RANBP3: variants seen among roughly 807,000 people sequenced by gnomAD.
RANBP3 encodes ran-binding protein 3.
In RANBP3, 14 loss-of-function variants were observed where a neutral mutation model predicts 77.3. That is an observed-to-expected ratio of 0.18 (90% CI 0.12 to 0.28). The LOEUF (loss-of-function observed/expected upper bound fraction) is 0.28. RANBP3 is among the 10% of genes least tolerant of loss of function. The pLI, the probability that RANBP3 is intolerant of heterozygous loss-of-function variation, is 1.00. For synonymous variants in RANBP3, 315 were observed against 312.4 expected (o/e 1.01, Z -0.09); for missense variants, 586 against 752.3 (o/e 0.78, Z 2.59).
chr19:5,937,331 T>C (rs1024456456), intron 5 of RANBP3, among the ~76,000 whole-genome samples: 2 of 152,130 alleles, frequency 1.3e-5, no homozygotes, highest in East Asian at 3.9e-4. Context: ...TGTGCATGGC[T>C]TCTGTGACAT....
At chr19:5,967,195 C>T (rs143974493) in intron 1 of RANBP3, among the ~76,000 whole-genome samples, 3 of 152,312 alleles carry the variant, frequency 2.0e-5, no homozygotes, top group East Asian at 3.9e-4. Flanking sequence ...TAGTGGAAGG[C>T]GGTGGGACCC....
At position 5,960,829 on chromosome 19, in the gene RANBP3, C is replaced by T. The variant is rs536701064; in HGVS notation, c.23-2856G>A. Among the ~76,000 whole-genome samples, 18 of 152,270 alleles carry T rather than the reference C, an allele frequency of 1.2e-4. No individual in the cohort carries two copies. In the South Asian group the frequency reaches 2.7e-3, roughly 23 times the overall value. The stretch of plus-strand genomic sequence containing the variant: ...TGCTGCCCGGAGCCTTCTGGACACA[C>T]GGCAGGGCTGAGGGGCATGGGCCAG... On this transcript the variant is annotated intron_variant, in intron 1 of 16. Transcript: ENST00000340578.
chr19:5,920,090 T>C (rs1268037678), intron 14 of RANBP3, among the ~76,000 whole-genome samples: 1 of 151,998 alleles, frequency 6.6e-6, no homozygotes. Context: ...GACACTTTGA[T>C]TTGGGAAGAT....
chr19:5,919,289 C>G (rs980652014), intron 14 of RANBP3, among the ~76,000 whole-genome samples: 2 of 152,230 alleles, frequency 1.3e-5, no homozygotes, highest in Non-Finnish European at 2.9e-5. Flanking sequence ...GGGCCCACCC[C>G]GTGGACTCAG....
At chr19:5,930,086 C>T (rs537489606) in intron 8 of RANBP3, among the ~76,000 whole-genome samples, 4 of 152,256 alleles carry the variant, frequency 2.6e-5, no homozygotes, top group Non-Finnish European at 5.9e-5. Context: ...AGCCTGTGCA[C>T]TCACCATCGG....
intron 5 of RANBP3, among the ~76,000 whole-genome samples, chr19:5,939,569 AT>A (rs1176523074): frequency 6.6e-6 from 1 of 152,120 alleles, no homozygotes; most frequent in Non-Finnish European, 1.5e-5. Flanking sequence ...GCATAAAAAC[AT>A]TGTTTTTTGA....
chr19:5,945,727 T>C (rs2058195592), intron 3 of RANBP3, among the ~76,000 whole-genome samples: 1 of 152,160 alleles, frequency 6.6e-6, no homozygotes, highest in South Asian at 2.1e-4. Flanking sequence ...CTTTTGACGA[T>C]ACCCATGCCT....
intron 3 of RANBP3, among the ~76,000 whole-genome samples, chr19:5,947,669 G>C (rs2058223741): frequency 6.6e-6 from 1 of 152,258 alleles, no homozygotes; most frequent in African/African-American, 2.4e-5. Context: ...AGATGAAGCA[G>C]CCCTCCCGCG....
chr19:5,928,373 C>T (rs1599730931), intron 8 of RANBP3: 1 of 258,630 alleles, frequency 3.9e-6, no homozygotes, highest in Non-Finnish European at 7.3e-6. Flanking sequence ...CGGCAGAGGA[C>T]AGGAAATAAC....
At chr19:5,969,456 A>T (rs1202402540) in intron 1 of RANBP3, among the ~76,000 whole-genome samples, 1 of 152,236 alleles carries the variant, frequency 6.6e-6, no homozygotes, top group Non-Finnish European at 1.5e-5. Flanking sequence ...GGCATTTTAA[A>T]CTTACTGCAA....
At chr19:5,950,652 G>A (rs1379318207) in intron 3 of RANBP3, 2 of 152,152 alleles carry the variant, frequency 1.3e-5, no homozygotes, top group Non-Finnish European at 2.9e-5. Flanking sequence ...CTGAGAATAG[G>A]GGTCTTCTGT....
At chr19:5,932,799 G>A (rs1000333493) in intron 6 of RANBP3, 12 of 493,758 alleles carry the variant, frequency 2.4e-5, no homozygotes, top group African/African-American at 4.0e-5. Flanking sequence ...GTAACGTGGC[G>A]GGGCGCCGGC....
At chr19:5,941,157 CGTGT>C (rs919887713) in intron 5 of RANBP3, among the ~76,000 whole-genome samples, 6 of 152,154 alleles carry the variant, frequency 3.9e-5, no homozygotes, top group African/African-American at 1.4e-4. Context: ...TGCTGGTTAC[CGTGT>C]GTGTGTGCAT....
intron 3 of RANBP3, among the ~76,000 whole-genome samples, chr19:5,946,263 G>A (rs1182596503): frequency 2.0e-5 from 3 of 152,132 alleles, no homozygotes; most frequent in East Asian, 1.9e-4. Flanking sequence ...CGCGACACCC[G>A]GGACACCTGC....
chr19:5,919,882 C>CA (rs1568443995), intron 14 of RANBP3, among the ~76,000 whole-genome samples: 5 of 129,198 alleles, frequency 3.9e-5, no homozygotes. Context: ...GACTGGGCAA[C>CA]AAGGGCAAAA....
chr19:5,975,051 G>C (rs535115842), intron 1 of RANBP3, among the ~76,000 whole-genome samples: 1 of 152,328 alleles, frequency 6.6e-6, no homozygotes, highest in East Asian at 1.9e-4. Flanking sequence ...GAACAAACAC[G>C]TGACCATGGG....
intron 2 of RANBP3, among the ~76,000 whole-genome samples, chr19:5,956,674 C>A (rs2058338332): frequency 6.6e-6 from 1 of 152,120 alleles, no homozygotes; most frequent in Non-Finnish European, 1.5e-5. Flanking sequence ...CCAACCCCTA[C>A]AAACACACAC....
At position 5,976,166 on chromosome 19, in the gene RANBP3, G is replaced by C. The variant is rs575903683; in HGVS notation, c.22+1895C>G. On this transcript the variant is annotated intron_variant, in intron 1 of 16. Coordinates refer to ENST00000340578, the MANE Select transcript of RANBP3 (RefSeq NM_007322.3). ...TGGGGCCAGAAGAATTCAAAGAATGGACCTGCCTAACTAACTACAATGGGT... is the reference window on the plus strand; with the variant it reads ...TGGGGCCAGAAGAATTCAAAGAATGCACCTGCCTAACTAACTACAATGGGT... Among the ~76,000 whole-genome samples, 10 of 152,310 alleles carry C rather than the reference G, an allele frequency of 6.6e-5. No homozygotes were observed. In the South Asian group the frequency reaches 1.9e-3, roughly 28 times the overall value.
chr19:5,963,941 C>G (rs2058433697), intron 1 of RANBP3, among the ~76,000 whole-genome samples: 1 of 152,198 alleles, frequency 6.6e-6, no homozygotes, highest in Admixed American at 6.5e-5. Flanking sequence ...CAATTGTGAT[C>G]CTGTGATGAT....
Sources: gnomAD v4.1 joint callset for allele counts (sites outside exome capture counted in the v4.1 genomes callset) on GRCh38, gnomAD v4.1.1 for gene constraint, MANE v1.5 for transcripts, NCBI Gene and HGNC (gene_info 2026-07-23, HGNC 2026-07-21) for gene names.